RPH3A: variants seen among roughly 807,000 people sequenced by gnomAD.
The protein encoded by RPH3A is rabphilin-3A.
A neutral mutation model predicts 102.2 loss-of-function variants in RPH3A; 48 were observed. That is an observed-to-expected ratio of 0.47 (90% CI 0.37 to 0.60). The LOEUF (loss-of-function observed/expected upper bound fraction) is 0.60. Among genes scored for constraint, RPH3A ranks in the 20% least tolerant of loss-of-function variants. The pLI is 0.00. For synonymous variants in RPH3A, 310 were observed against 324.3 expected, an observed-to-expected ratio of 0.96 and a Z score of 0.47; for missense variants, 781 against 910.1, an observed-to-expected ratio of 0.86 and a Z score of 1.83.
chr12:112,750,296 G>T (rs953259646), intron 1 of RPH3A, among the ~76,000 whole-genome samples: 1 of 152,132 alleles, frequency 6.6e-6, no homozygotes, highest in African/African-American at 2.4e-5. Flanking sequence ...GTGGTTTATT[G>T]GGAATGTGGT....
intron 5 of RPH3A, among the ~76,000 whole-genome samples, chr12:112,849,556 A>G (rs1326107270): frequency 1.3e-5 from 2 of 152,168 alleles, no homozygotes; most frequent in African/African-American, 4.8e-5. Context: ...TTTTTCTTGC[A>G]TGGCACTTAC....
At position 112,786,204 on chromosome 12, in the gene RPH3A, T is replaced by C. The variant is rs16942210; in HGVS notation, c.-139-5939T>C. Among the ~76,000 whole-genome samples, 1,366 of 152,154 alleles carry C rather than the reference T, an allele frequency of 9.0e-3. 19 individuals carry two copies. The highest frequency in any genetic ancestry group is 0.031 in the African/African-American group (1,277 of 41,522). ...GCCTGGTAACGTGGAATTGACTGAT[T>C]AATAAATAAAACTTGTTGACTTGTC... On this transcript the variant is annotated intron_variant, in intron 1 of 21. Coordinates refer to the RPH3A transcript ENST00000543106.
chr12:112,843,816 A>G (rs3825202), intron 4 of RPH3A, among the ~76,000 whole-genome samples: 69,646 of 151,966 alleles, frequency 0.46, 16,384 homozygotes, highest in East Asian at 0.58. Flanking sequence ...GGGGCAGGTG[A>G]AGTGTCCATT....
chr12:112,896,588 AT>A (rs2043182616), intron 21 of RPH3A, 61 bp from the exon 22 acceptor site: 3 of 1,596,732 alleles, frequency 1.9e-6, no homozygotes, highest in East Asian at 2.2e-5. Flanking sequence ...CCAACTACAC[AT>A]TTGGGTCTAG....
intron 1 of RPH3A, among the ~76,000 whole-genome samples, chr12:112,773,888 C>T (rs1425494514): frequency 6.6e-6 from 1 of 151,920 alleles, no homozygotes; most frequent in Non-Finnish European, 1.5e-5. Flanking sequence ...CGAGACCAGC[C>T]TGGCCAACAT....
chr12:112,663,678 T>C (rs1294013960), intron 1 of RPH3A, among the ~76,000 whole-genome samples: 5 of 152,150 alleles, frequency 3.3e-5, no homozygotes, highest in Non-Finnish European at 5.9e-5. Flanking sequence ...TATTTATTCA[T>C]TTATTTGCTA....
chr12:112,836,637 G>A, intron 4 of RPH3A, 135 bp downstream of exon 4: 1 of 347,102 alleles, frequency 2.9e-6, no homozygotes, highest in Non-Finnish European at 5.0e-6. Context: ...TTTTTAAAAA[G>A]CTAAGTTAAA....
intron 1 of RPH3A, among the ~76,000 whole-genome samples, chr12:112,709,665 C>T (rs1431551188): frequency 3.9e-5 from 6 of 152,012 alleles, no homozygotes; most frequent in East Asian, 3.8e-4. Flanking sequence ...TGCTATATAC[C>T]AGTGATTTGA....
intron 1 of RPH3A, among the ~76,000 whole-genome samples, chr12:112,717,741 T>TTTG (rs200808573): frequency 1.4e-5 from 2 of 148,120 alleles, no homozygotes; most frequent in African/African-American, 5.0e-5. Context: ...TTTTTTTTTT[T>TTTG]GGGTAATACC....
chr12:112,809,939 T>A (rs115039976), intron 2 of RPH3A, among the ~76,000 whole-genome samples: 2,174 of 152,256 alleles, frequency 0.014, 62 homozygotes, highest in African/African-American at 0.05. Context: ...CTAACCACAA[T>A]GCCTCCTCCT....
chr12:112,660,975 A>G (rs893675302), intron 1 of RPH3A, among the ~76,000 whole-genome samples: 4 of 152,190 alleles, frequency 2.6e-5, no homozygotes, highest in African/African-American at 9.6e-5. Context: ...TACCATCTTT[A>G]GAACAGGGAA....
At chr12:112,828,847 T>A (rs2041923237) in intron 3 of RPH3A, among the ~76,000 whole-genome samples, 1 of 152,236 alleles carries the variant, frequency 6.6e-6, no homozygotes, top group Non-Finnish European at 1.5e-5. Flanking sequence ...GGACTGATCA[T>A]GTAAAAATTG....
At chr12:112,868,289 C>T (rs1780756103) in intron 7 of RPH3A, 141 bp from the exon 8 acceptor site, 3 of 801,152 alleles carry the variant, frequency 3.7e-6, no homozygotes, top group Admixed American at 2.8e-5. Context: ...TTGTGCAGGG[C>T]TCTGTAGTAA....
chr12:112,795,828 T>C (rs2041217159), intron 2 of RPH3A, among the ~76,000 whole-genome samples: 1 of 152,226 alleles, frequency 6.6e-6, no homozygotes, highest in Non-Finnish European at 1.5e-5. Flanking sequence ...TAAGAGTTAA[T>C]GATCACTTTA....
chr12:112,833,897 G>GT (rs998325775), intron 3 of RPH3A, among the ~76,000 whole-genome samples: 6 of 151,436 alleles, frequency 4.0e-5, no homozygotes, highest in African/African-American at 9.7e-5. Flanking sequence ...ACCTGGATAA[G>GT]TTTTTTTTTA....
At chr12:112,611,634 G>T (rs920603189) in intron 1 of RPH3A, among the ~76,000 whole-genome samples, 2 of 151,992 alleles carry the variant, frequency 1.3e-5, no homozygotes, top group Admixed American at 6.6e-5. Flanking sequence ...AGATTGGGAG[G>T]GGGGGTTCAC....
chr12:112,646,158 T>A (rs1402398275), intron 1 of RPH3A, among the ~76,000 whole-genome samples: 1 of 152,194 alleles, frequency 6.6e-6, no homozygotes, highest in Non-Finnish European at 1.5e-5. Flanking sequence ...AGGATGCTTT[T>A]GATCCAAAAG....
chr12:112,869,974 C>G lies in RPH3A; in HGVS notation c.731C>G (p.Ser244Cys). ...GCCTCCGAGGCACGAATGAGCTCAT[C>G]TAGCCGAGATTCAGAGAGCTGGGAC... Reference protein sequence around the residue: ...RRASEARMSSSSRDSESWDHS... With the variant: ...RRASEARMSSCSRDSESWDHS... The change falls in exon 10 of 22, where the codon TCT becomes TGT. Residue 244 changes from serine (S) to cysteine (C), a missense_variant. Coordinates refer to ENST00000389385, the MANE Select transcript of RPH3A (RefSeq NM_001143854.2). 6.2e-7 allele frequency: 1 copy of G among 1,614,190 alleles called. No homozygotes were observed. The highest frequency in any genetic ancestry group is 8.5e-7 in the Non-Finnish European group (1 of 1,180,028).
intron 1 of RPH3A, among the ~76,000 whole-genome samples, chr12:112,727,403 AAAAAT>A: frequency 7.4e-6 from 1 of 134,574 alleles, no homozygotes; most frequent in African/African-American, 3.0e-5. Flanking sequence ...AAAAAAAAAA[AAAAAT>A]ATATATATAT....
Sources: allele counts gnomAD v4.1 joint callset (sites outside exome capture counted in the v4.1 genomes callset), GRCh38; gene constraint gnomAD v4.1.1; transcripts MANE v1.5; gene names NCBI Gene and HGNC (gene_info 2026-07-23, HGNC 2026-07-21).